AFAP1: variants seen among roughly 807,000 people sequenced by gnomAD.
AFAP1 encodes actin filament-associated protein 1.
A neutral mutation model predicts 93.9 loss-of-function variants in AFAP1; 75 were observed. The observed-to-expected ratio is 0.80, with a 90% CI of 0.66 to 0.97. The LOEUF is 0.97. AFAP1 is among the 50% of genes least tolerant of loss of function. The probability of loss-of-function intolerance (pLI) is 0.00; values close to 1 mark genes in which losing one functional copy is unlikely to be tolerated. For missense variants in AFAP1, 1,201 were observed against 1,050.8 expected (o/e 1.14, Z -1.98); for synonymous variants, 517 against 430.7 (o/e 1.20, Z -2.48).
intron 12 of AFAP1, among the ~76,000 whole-genome samples, chr4:7,782,267 C>G (rs913442895): frequency 6.6e-6 from 1 of 152,252 alleles, no homozygotes; most frequent in Non-Finnish European, 1.5e-5. Flanking sequence ...GGTGCTCCCG[C>G]TAAGCCTCGC....
intron 3 of AFAP1, among the ~76,000 whole-genome samples, chr4:7,867,388 C>T (rs1427829296): frequency 1.3e-5 from 2 of 152,178 alleles, no homozygotes; most frequent in African/African-American, 4.8e-5. Context: ...TATGAGGAGC[C>T]TGAGGCAGCG....
intron 3 of AFAP1, among the ~76,000 whole-genome samples, chr4:7,857,864 C>T (rs916159664): frequency 6.7e-6 from 1 of 150,264 alleles, no homozygotes; most frequent in African/African-American, 2.4e-5. Flanking sequence ...CTCTCTGAAT[C>T]GATGGGGTTC....
chr4:7,805,806 G>T (rs895029362), intron 9 of AFAP1, among the ~76,000 whole-genome samples: 4 of 152,222 alleles, frequency 2.6e-5, no homozygotes, highest in South Asian at 2.1e-4. Context: ...AAAGTGAAGC[G>T]GGGACAGCAG....
chr4:7,759,417 CT>C lies in AFAP1; in HGVS notation c.*4347del, dbSNP rs1167736449. 1.3e-5 allele frequency: 2 copies of C among 152,750 alleles called. No homozygotes were observed. The highest frequency in any genetic ancestry group is 4.8e-5 in the African/African-American group (2 of 41,566). 9.5% of individuals were successfully genotyped at this position (152,750 alleles called of 1,614,324 possible). ...CAGTTTCCCTTCTTTTACAGACGCC[CT>C]GCTATGGCTTGGGGACTCACGAATA... On this transcript the variant is annotated 3_prime_UTR_variant, in exon 18 of 18. Coordinates refer to ENST00000420658, the MANE Select transcript of AFAP1 (RefSeq NM_001134647.2).
Position 7,809,663 on chromosome 4 carries a change from C to A in AFAP1, c.1005G>T (p.Pro335=). ...CTGAGGAGGTCTGCTCGTCTGTGGA[C>A]GGCTTTTTCTTTCCCAGACTGATGA... ...TKIISLGKKK[P]STDEQTSSAE... is the part of the protein sequence containing the mutation. The change falls in exon 9 of 18, where the codon CCG becomes CCT. Residue 335 remains proline, a synonymous_variant. Transcript: ENST00000420658. 1 of 1,614,098 alleles carries A rather than the reference C, an allele frequency of 6.2e-7. No homozygotes were observed. The highest frequency in any genetic ancestry group is 8.5e-7 in the Non-Finnish European group (1 of 1,180,010).
Position 7,761,402 on chromosome 4 carries a change from G to A in AFAP1, c.*2363C>T, listed in dbSNP as rs1216709291. 1 of 152,262 alleles carries A rather than the reference G, an allele frequency of 6.6e-6. No individual in the cohort carries two copies. Among genetic ancestry groups the A allele is most frequent in the Non-Finnish European group, 1.5e-5 (1 of 68,048 alleles). 9.4% of individuals were successfully genotyped at this position (152,262 alleles called of 1,614,324 possible). The stretch of plus-strand genomic sequence containing the variant: ...TGGGTTTTTACAACAAAATATGCAT[G>A]CTGGGAGTCGAGCACCAATCAGCTG... On this transcript the variant is annotated 3_prime_UTR_variant, in exon 18 of 18. Coordinates refer to ENST00000420658, the MANE Select transcript of AFAP1 (RefSeq NM_001134647.2).
At chr4:7,800,731 G>A in intron 9 of AFAP1, 78 bp from the exon 10 acceptor site, 2 of 1,394,566 alleles carry the variant, frequency 1.4e-6, no homozygotes, top group Non-Finnish European at 2.0e-6. Flanking sequence ...TCACACTGAG[G>A]AGGCCCAGGG....
chr4:7,930,283 G>T (rs1720992391), intron 1 of AFAP1, among the ~76,000 whole-genome samples: 1 of 152,186 alleles, frequency 6.6e-6, no homozygotes, highest in Non-Finnish European at 1.5e-5. Flanking sequence ...CACCAAATGA[G>T]TTCGCCAAAC....
chr4:7,798,158 T>C (rs1434930476), intron 10 of AFAP1, among the ~76,000 whole-genome samples: 1 of 110,906 alleles, frequency 9.0e-6, no homozygotes, highest in Non-Finnish European at 2.0e-5. Context: ...CTCACGGCAC[T>C]GCAACTCTAC....
chr4:7,779,369 G>A (rs777828589), intron 13 of AFAP1, among the ~76,000 whole-genome samples: 10 of 152,282 alleles, frequency 6.6e-5, no homozygotes, highest in East Asian at 1.9e-4. Context: ...GACGGAGTCC[G>A]CAGAAGGAAG....
intron 17 of AFAP1, among the ~76,000 whole-genome samples, chr4:7,768,150 C>T (rs908321188): frequency 6.6e-6 from 1 of 152,272 alleles, no homozygotes; most frequent in African/African-American, 2.4e-5. Flanking sequence ...GTTCCAGCCC[C>T]TCGGGGCGGG....
At chr4:7,851,988 T>C (rs775486071) in intron 4 of AFAP1, among the ~76,000 whole-genome samples, 1 of 152,202 alleles carries the variant, frequency 6.6e-6, no homozygotes, top group South Asian at 2.1e-4. Flanking sequence ...TACACAATAA[T>C]GGGTCTGTGC....
At chr4:7,805,966 G>A (rs1208976648) in intron 9 of AFAP1, among the ~76,000 whole-genome samples, 1 of 152,156 alleles carries the variant, frequency 6.6e-6, no homozygotes, top group African/African-American at 2.4e-5. Context: ...GTCAAAAGGT[G>A]CCACAGTCCC....
chr4:7,915,760 C>T (rs138174439), intron 1 of AFAP1, among the ~76,000 whole-genome samples: 70 of 152,392 alleles, frequency 4.6e-4, no homozygotes, highest in African/African-American at 1.5e-3. Context: ...TTCACAAAGC[C>T]GCCCTGCGGC....
intron 1 of AFAP1, among the ~76,000 whole-genome samples, chr4:7,911,202 A>G (rs554483197): frequency 6.6e-6 from 1 of 152,332 alleles, no homozygotes; most frequent in African/African-American, 2.4e-5. Context: ...CTAGCGAGCC[A>G]GGACGGCTTT....
intron 16 of AFAP1, among the ~76,000 whole-genome samples, chr4:7,769,937 A>G (rs917355317): frequency 8.5e-5 from 13 of 152,174 alleles, no homozygotes; most frequent in African/African-American, 3.1e-4. Context: ...CAATGGAATG[A>G]TGATCAGGAC....
chr4:7,887,743 G>C (rs1577335441), intron 1 of AFAP1, among the ~76,000 whole-genome samples: 1 of 51,286 alleles, frequency 1.9e-5, no homozygotes, highest in South Asian at 4.2e-4. Flanking sequence ...ACACAAAGGA[G>C]GAATTTGTCT....
intron 3 of AFAP1, among the ~76,000 whole-genome samples, chr4:7,859,401 A>G (rs1037184180): frequency 1.3e-5 from 2 of 152,078 alleles, no homozygotes; most frequent in Admixed American, 6.6e-5. Flanking sequence ...CCTGGGCAAC[A>G]GAGCAAGACT....
intron 1 of AFAP1, among the ~76,000 whole-genome samples, chr4:7,911,845 C>T (rs531571012): frequency 6.6e-6 from 1 of 152,254 alleles, no homozygotes; most frequent in African/African-American, 2.4e-5. Flanking sequence ...AAAGCTTACA[C>T]TTATTTGGAA....
Sources: gnomAD v4.1 joint callset for allele counts (sites outside exome capture counted in the v4.1 genomes callset) on GRCh38, gnomAD v4.1.1 for gene constraint, MANE v1.5 for transcripts, NCBI Gene and HGNC (gene_info 2026-07-23, HGNC 2026-07-21) for gene names.